Variants in ANKRD30A observed in about 807,000 individuals in gnomAD.
The protein encoded by ANKRD30A is ankyrin repeat domain 30A.
Under a neutral mutation model 166.3 loss-of-function variants are expected in ANKRD30A, and 170 were observed. That is an observed-to-expected ratio of 1.02 (90% CI 0.90 to 1.16). The LOEUF (loss-of-function observed/expected upper bound fraction) is 1.16, where lower values mean the gene tolerates loss of function less well. Among genes scored for constraint, ANKRD30A ranks in the 50% most tolerant of loss-of-function variants. The probability of loss-of-function intolerance (pLI) is 0.00; values close to 1 mark genes in which losing one functional copy is unlikely to be tolerated. For missense variants in ANKRD30A, 1,630 were observed against 1,518.0 expected (o/e 1.07, Z -1.23); for synonymous variants, 564 against 508.9 (o/e 1.11, Z -1.46).
intron 9 of ANKRD30A, 23 bp from the exon 10 acceptor site, chr10:37,149,628 G>A (rs770589686): frequency 1.9e-6 from 3 of 1,609,302 alleles, no homozygotes; most frequent in East Asian, 4.5e-5. Context: ...TATGATTGAT[G>A]ATAAATCTCT....
intron 27 of ANKRD30A, among the ~76,000 whole-genome samples, chr10:37,196,654 G>C (rs1841146189): frequency 6.6e-6 from 1 of 152,114 alleles, no homozygotes. Flanking sequence ...TGAAAGCTTA[G>C]TGTAGATTAT....
chr10:37,224,169 C>T (rs1415152849), intron 34 of ANKRD30A, among the ~76,000 whole-genome samples: 1 of 151,264 alleles, frequency 6.6e-6, no homozygotes, highest in Admixed American at 6.6e-5. Flanking sequence ...CATATAATGT[C>T]AACTGCTCTT....
Position 37,142,384 on chromosome 10 carries a change from A to G in ANKRD30A, c.1393+94A>G. ...ATGGGAGTAGTTGGGAATGACTTGA[A>G]TATCTAAATAAGGCGAGCTTAGGCA... On this transcript the variant is annotated intron_variant, in intron 7 of 35. Coordinates refer to ENST00000361713, the MANE Select transcript of ANKRD30A (RefSeq NM_052997.3). 4 of 1,195,158 alleles carry G rather than the reference A, an allele frequency of 3.3e-6. No homozygotes were observed. The South Asian group carries it at 6.4e-5, about 19-fold the overall frequency. The allele number at this position is 1,195,158 out of a possible 1,614,324, so 74.0% of individuals were successfully genotyped here.
Position 37,216,320 on chromosome 10 carries a change from G to A in ANKRD30A, c.3009G>A (p.Leu1003=), listed in dbSNP as rs878867826. The change falls in exon 32 of 36, where the codon CTG becomes CTA. Residue 1003 remains leucine (L), a synonymous_variant. Transcript: ENST00000361713. The part of the protein sequence containing the change: ...KKKFCVLKKK[L]SEAKEIKSQL... ...AGTTTTGTGTACTGAAAAAGAAACT[G>A]TCAGAAGCAAAAGAAATAAAATCAC... The A allele has an allele frequency of 6.2e-7, 1 of 1,608,542 alleles. No individual in the cohort carries two copies. Among genetic ancestry groups the A allele is most frequent in the Non-Finnish European group, 8.5e-7 (1 of 1,176,526 alleles).
intron 11 of ANKRD30A, among the ~76,000 whole-genome samples, chr10:37,151,655 A>T (rs539096590): frequency 6.6e-6 from 1 of 152,244 alleles, no homozygotes; most frequent in South Asian, 2.1e-4. Context: ...GAACTGTGTA[A>T]TAGAGATTGC....
chr10:37,194,763 C>G (rs1021290308), intron 27 of ANKRD30A, among the ~76,000 whole-genome samples: 1 of 152,144 alleles, frequency 6.6e-6, no homozygotes, highest in Non-Finnish European at 1.5e-5. Flanking sequence ...TGATTTAAGA[C>G]CTCATAGTTT....
At chr10:37,191,219 A>G (rs1840546242) in intron 25 of ANKRD30A, among the ~76,000 whole-genome samples, 1 of 151,968 alleles carries the variant, frequency 6.6e-6, no homozygotes, top group South Asian at 2.1e-4. Context: ...TATTGAGATG[A>G]GTAAGCTAGA....
At chr10:37,226,740 T>C (rs2132759925) in intron 34 of ANKRD30A, among the ~76,000 whole-genome samples, 1 of 151,934 alleles carries the variant, frequency 6.6e-6, no homozygotes, top group Non-Finnish European at 1.5e-5. Context: ...CATATGGTAG[T>C]CTATGTTTAA....
At chr10:37,201,051 G>C (rs538395753) in intron 30 of ANKRD30A, among the ~76,000 whole-genome samples, 184 bp from the exon 31 acceptor site, 1 of 151,952 alleles carries the variant, frequency 6.6e-6, no homozygotes, top group Non-Finnish European at 1.5e-5. Context: ...AGATCAGCTT[G>C]ATGTAGAGAG....
chr10:37,203,559 C>T (rs1356948190), intron 31 of ANKRD30A, among the ~76,000 whole-genome samples: 1 of 152,084 alleles, frequency 6.6e-6, no homozygotes, highest in Non-Finnish European at 1.5e-5. Context: ...GGAAGCATTC[C>T]CTTTGAAAAC....
chr10:37,133,786 C>T, intron 4 of ANKRD30A, 130 bp from the exon 5 acceptor site: 3 of 1,103,440 alleles, frequency 2.7e-6, no homozygotes, highest in Non-Finnish European at 1.3e-6. Context: ...TGGTGATTTA[C>T]AAGGATAAAC....
At chr10:37,167,432 A>T (rs1202034674) in intron 19 of ANKRD30A, among the ~76,000 whole-genome samples, 3 of 151,454 alleles carry the variant, frequency 2.0e-5, no homozygotes, top group Admixed American at 2.0e-4. Context: ...AAACCTCATT[A>T]GCAAATAACA....
At chr10:37,128,567 G>T (rs1836191292) in intron 1 of ANKRD30A, among the ~76,000 whole-genome samples, 1 of 151,902 alleles carries the variant, frequency 6.6e-6, no homozygotes, top group South Asian at 2.1e-4. Flanking sequence ...AAAAATAAAA[G>T]AGCAAATATA....
intron 1 of ANKRD30A, among the ~76,000 whole-genome samples, chr10:37,128,864 C>T (rs1458152490): frequency 2.0e-5 from 3 of 152,012 alleles, no homozygotes; most frequent in Admixed American, 1.3e-4. Context: ...AATATAACTA[C>T]CAACCGTGAT....
At chr10:37,245,201 TCA>T in the ANKRD30A span, among the ~76,000 whole-genome samples, 2 of 152,182 alleles carry the variant, frequency 1.3e-5, no homozygotes, top group Admixed American at 6.5e-5. Context: ...GTTGATCCTA[TCA>T]CAAATTTTAT....
At chr10:37,201,360 C>G in intron 31 of ANKRD30A, 35 bp downstream of exon 31, 2 of 1,447,700 alleles carry the variant, frequency 1.4e-6, no homozygotes, top group African/African-American at 1.4e-5. Context: ...GGTCATTTGA[C>G]CAAGTATTTC....
At chr10:37,258,366 T>G in the ANKRD30A span, among the ~76,000 whole-genome samples, 2 of 152,134 alleles carry the variant, frequency 1.3e-5, no homozygotes, top group Non-Finnish European at 2.9e-5. Flanking sequence ...AGCTCAAGAA[T>G]GTATACCATC....
At chr10:37,139,089 A>G (rs1479851908) in intron 6 of ANKRD30A, among the ~76,000 whole-genome samples, 2 of 152,252 alleles carry the variant, frequency 1.3e-5, no homozygotes, top group African/African-American at 4.8e-5. Flanking sequence ...CTTAAAGAAA[A>G]GAATTTTCAA....
chr10:37,125,959 A>G lies in ANKRD30A; in HGVS notation c.172A>G (p.Thr58Ala), dbSNP rs1214990320. 13 of 1,611,998 alleles carry G rather than the reference A, an allele frequency of 8.1e-6. No homozygotes were observed. Among genetic ancestry groups the G allele is most frequent in the African/African-American group, 1.3e-5 (1 of 74,862 alleles). Residue 58 changes from threonine (T) to alanine (A), a missense_variant, in exon 1 of 36, where the codon ACA (threonine) becomes GCA (alanine). Physicochemically the swap from Thr to Ala is moderately conservative, Grantham distance 58. Around this residue, in one of 4 missense-constraint regions of ANKRD30A, gnomAD observed 904 missense variants for 818.5 expected, o/e 1.10. Transcript: ENST00000361713. ...ACAAGTCCGGAAGCTGGAGAAGATGACAAAGAGGAAGAAGACCATCAACCT... is the reference window on the plus strand; with the variant it reads ...ACAAGTCCGGAAGCTGGAGAAGATGGCAAAGAGGAAGAAGACCATCAACCT... The part of the protein sequence containing the change: ...RGQVRKLEKM[T>A]KRKKTINLNI...
Sources: gnomAD v4.1 joint callset for allele counts (sites outside exome capture counted in the v4.1 genomes callset) on GRCh38, gnomAD v4.1.1 for gene constraint, gnomAD v4.1.1 regional missense constraint, MANE v1.5 for transcripts, NCBI Gene and HGNC (gene_info 2026-07-23, HGNC 2026-07-21) for gene names.